The following RIPOR3 variants were observed in gnomAD, a reference collection of about 807,000 sequenced individuals.
The protein encoded by RIPOR3 is family with sequence similarity 65 member C.
Under a neutral mutation model 114.3 loss-of-function variants are expected in RIPOR3, and 95 were observed. The ratio of observed to expected loss-of-function variants is 0.83; its 90% CI spans 0.70 to 0.99. The LOEUF (loss-of-function observed/expected upper bound fraction) is 0.99. RIPOR3 is among the 50% of genes least tolerant of loss of function. The pLI, the probability that RIPOR3 is intolerant of heterozygous loss-of-function variation, is 0.00. For synonymous variants in RIPOR3, 575 were observed against 543.8 expected (o/e 1.06, Z -0.80); for missense variants, 1,252 against 1,266.9 (o/e 0.99, Z 0.18).
intron 1 of RIPOR3, among the ~76,000 whole-genome samples, chr20:50,644,223 C>T (rs2085309165): frequency 6.6e-6 from 1 of 152,220 alleles, no homozygotes; most frequent in Non-Finnish European, 1.5e-5. Flanking sequence ...CCTCCCAGCT[C>T]AGCCTCCCAA....
At chr20:50,610,996 C>G (rs2083956935) in intron 5 of RIPOR3, 90 bp from the exon 6 acceptor site, 1 of 729,948 alleles carries the variant, frequency 1.4e-6, no homozygotes, top group East Asian at 4.0e-5. Context: ...CAGGTCCTAA[C>G]TCAGAGAATG....
chr20:50,592,575 G>T, intron 18 of RIPOR3, 29 bp from the exon 19 acceptor site: 1 of 1,456,532 alleles, frequency 6.9e-7, no homozygotes, highest in Non-Finnish European at 9.1e-7. Context: ...GTGGGCCCAG[G>T]TCCCCTGAAT....
chr20:50,689,333 G>A (rs1285895152), intron 1 of RIPOR3, among the ~76,000 whole-genome samples: 5 of 151,948 alleles, frequency 3.3e-5, no homozygotes, highest in South Asian at 2.1e-4. Flanking sequence ...GCACCACCAC[G>A]GCCAGCTAAT....
chr20:50,617,127 C>A (rs934046401), intron 3 of RIPOR3, among the ~76,000 whole-genome samples: 1 of 152,074 alleles, frequency 6.6e-6, no homozygotes, highest in African/African-American at 2.4e-5. Context: ...GGCAACAGAG[C>A]GAGACTTCAT....
At position 50,635,578 on chromosome 20, in the gene RIPOR3, CT is replaced by C. The variant is rs528151044; in HGVS notation, c.4-4723del. Among the ~76,000 whole-genome samples, 843 of 152,226 alleles carry C rather than the reference CT, an allele frequency of 5.5e-3. 13 individuals carry two copies. Among genetic ancestry groups the C allele is most frequent in the African/African-American group, 0.019 (802 of 41,540 alleles). On this transcript the variant is annotated intron_variant, in intron 1 of 21. Transcript: ENST00000327979. ...CTGAGGTGGGAGGATCATTAGAGAC[CT>C]CCCAGCAAGTCGAGGCTGCAGTGAG...
chr20:50,637,048 G>T (rs546662069), intron 1 of RIPOR3, among the ~76,000 whole-genome samples: 17 of 152,310 alleles, frequency 1.1e-4, no homozygotes, highest in African/African-American at 3.8e-4. Context: ...AGCCCAGGAA[G>T]AGGAATGTGA....
chr20:50,675,531 G>A (rs1046850843), intron 1 of RIPOR3, among the ~76,000 whole-genome samples: 9 of 152,192 alleles, frequency 5.9e-5, no homozygotes, highest in Non-Finnish European at 8.8e-5. Flanking sequence ...CACTTTTAAG[G>A]ACCAACTGTG....
intron 1 of RIPOR3, among the ~76,000 whole-genome samples, chr20:50,631,213 C>T (rs1039312925): frequency 1.3e-5 from 2 of 152,188 alleles, no homozygotes; most frequent in Non-Finnish European, 2.9e-5. Flanking sequence ...CCCTGAGCAC[C>T]TAACACAGGT....
At chr20:50,609,512 C>T (rs2083867677) in intron 7 of RIPOR3, 61 bp downstream of exon 7, 7 of 1,440,416 alleles carry the variant, frequency 4.9e-6, no homozygotes, top group Non-Finnish European at 6.4e-6. Context: ...CTCTCGATGT[C>T]CCCACTGCCC....
chr20:50,633,042 T>C (rs947638276), intron 1 of RIPOR3, among the ~76,000 whole-genome samples: 3 of 152,128 alleles, frequency 2.0e-5, no homozygotes, highest in Non-Finnish European at 4.4e-5. Flanking sequence ...AGCAGGCAGA[T>C]TGCCTGAGCT....
chr20:50,642,521 G>GT (rs1259815049), intron 1 of RIPOR3, among the ~76,000 whole-genome samples: 3 of 151,956 alleles, frequency 2.0e-5, no homozygotes, highest in Non-Finnish European at 4.4e-5. Context: ...AACCACTGGT[G>GT]TTTAATTCCC....
At chr20:50,596,655 C>T (rs2083300956) in intron 14 of RIPOR3, among the ~76,000 whole-genome samples, 1 of 152,212 alleles carries the variant, frequency 6.6e-6, no homozygotes. Flanking sequence ...AAGAGCGCCT[C>T]ACACCAAGTC....
At chr20:50,629,307 G>A (rs916797439) in intron 2 of RIPOR3, among the ~76,000 whole-genome samples, 4 of 152,170 alleles carry the variant, frequency 2.6e-5, no homozygotes, top group Non-Finnish European at 4.4e-5. Flanking sequence ...TGGGGACCCC[G>A]ACCTGTCCAC....
chr20:50,623,092 C>T (rs892518835), intron 2 of RIPOR3, among the ~76,000 whole-genome samples: 3 of 151,742 alleles, frequency 2.0e-5, no homozygotes, highest in Admixed American at 6.6e-5. Context: ...GGTGAAACCC[C>T]GTCTCTACTA....
intron 20 of RIPOR3, among the ~76,000 whole-genome samples, chr20:50,589,143 GTTC>G (rs978479600): frequency 1.4e-5 from 2 of 142,840 alleles, no homozygotes; most frequent in African/African-American, 5.3e-5. Flanking sequence ...AACACAAAAT[GTTC>G]TTATTTTGTT....
In RIPOR3 at chr20:50,589,783, G is replaced by A; in HGVS notation, c.2578-14C>T. ...GAACAGCAAAGCCTGGGGAGAGTAA[G>A]GAGGCTGTGAATGGAGGGGTAAGCA... On this transcript the variant is annotated splice_polypyrimidine_tract_variant and intron_variant, in intron 19 of 21. Coordinates refer to ENST00000327979, the MANE Select transcript of RIPOR3 (RefSeq NM_001290268.2). 6.2e-7 allele frequency: 1 copy of A among 1,610,992 alleles called. No homozygotes were observed.
At chr20:50,610,718 C>T (rs1202700565) in intron 6 of RIPOR3, 135 bp downstream of exon 6, 8 of 1,192,230 alleles carry the variant, frequency 6.7e-6, no homozygotes, top group Non-Finnish European at 8.4e-6. Flanking sequence ...CATCCTTAGC[C>T]TCCTGCAGCT....
At chr20:50,633,980 C>CTTTTTTTTTTTT (rs375758598) in intron 1 of RIPOR3, among the ~76,000 whole-genome samples, 2 of 131,038 alleles carry the variant, frequency 1.5e-5, no homozygotes, top group East Asian at 2.3e-4. Context: ...TCTTTCTTTT[C>CTTTTTTTTTTTT]TTTTTTTTTT....
At position 50,620,891 on chromosome 20, in the gene RIPOR3, C is replaced by T. The variant is rs146410470; in HGVS notation, c.123-759G>A. On this transcript the variant is annotated intron_variant, in intron 2 of 21. Coordinates refer to ENST00000327979, the MANE Select transcript of RIPOR3 (RefSeq NM_001290268.2). ...CACTGAGTTTGTGCGGGACATGATC[C>T]GGGAGGTGTGTGGCTTTGCCCTGTA... 4.9e-4 allele frequency: 315 copies of T among 647,532 alleles called. 1 individual carries two copies. In the East Asian group the frequency reaches 8.0e-3, roughly 16 times the overall value. 40.1% of individuals were successfully genotyped at this position (647,532 alleles called of 1,614,324 possible).
Sources: gnomAD v4.1 joint callset for allele counts (sites outside exome capture counted in the v4.1 genomes callset) on GRCh38, gnomAD v4.1.1 for gene constraint, MANE v1.5 for transcripts, NCBI Gene and HGNC (gene_info 2026-07-23, HGNC 2026-07-21) for gene names.